Variants in PCDHA6 observed in about 807,000 individuals in gnomAD.
The protein encoded by PCDHA6 is protocadherin alpha-6.
Under a neutral mutation model 60.3 loss-of-function variants are expected in PCDHA6, and 55 were observed. That is an observed-to-expected ratio of 0.91 (90% CI 0.73 to 1.14). The LOEUF is 1.14. Among genes scored for constraint, PCDHA6 ranks in the 50% most tolerant of loss-of-function variants. PCDHA6 has a pLI of 0.00. For missense variants in PCDHA6, 1,327 were observed against 1,256.5 expected, an observed-to-expected ratio of 1.06 and a Z score of -0.85; for synonymous variants, 652 against 557.9, an observed-to-expected ratio of 1.17 and a Z score of -2.38.
At chr5:140,968,757 A>T in intron 1 of PCDHA6, 1 of 1,614,204 alleles carries the variant, frequency 6.2e-7, no homozygotes, top group Non-Finnish European at 8.5e-7. Context: ...GTGGTCCGAG[A>T]TAATGGAGAG....
chr5:140,998,393 C>A (rs1178528705), intron 3 of PCDHA6, among the ~76,000 whole-genome samples: 12 of 152,288 alleles, frequency 7.9e-5, no homozygotes, highest in African/African-American at 2.4e-4. Flanking sequence ...TTAATGCCAT[C>A]TTTATGCCAA....
At chr5:140,968,845 G>A in intron 1 of PCDHA6, 1 of 1,614,176 alleles carries the variant, frequency 6.2e-7, no homozygotes. Flanking sequence ...ACACTCAGAG[G>A]CATGTTAAGA....
chr5:140,976,545 T>C (rs781810490), intron 1 of PCDHA6, among the ~76,000 whole-genome samples: 1 of 152,078 alleles, frequency 6.6e-6, no homozygotes, highest in Non-Finnish European at 1.5e-5. Flanking sequence ...AGTAAGACCC[T>C]ATCTCATAAA....
chr5:140,946,156 T>G (rs138161459), intron 1 of PCDHA6, among the ~76,000 whole-genome samples: 1 of 151,944 alleles, frequency 6.6e-6, no homozygotes, highest in Non-Finnish European at 1.5e-5. Flanking sequence ...TAACACGATT[T>G]AAAAGATGGG....
chr5:140,853,569 G>A lies in PCDHA6; in HGVS notation c.2394+23084G>A. On this transcript the variant is annotated intron_variant, in intron 1 of 3. Transcript: ENST00000529310. ...ATTACTATATAGGAAAAACTAAGTT[G>A]TCACCCAATATCTTAGACACTTTGA... 1.3e-5 allele frequency: 13 copies of A among 981,402 alleles called. 1 individual carries two copies. The highest frequency in any genetic ancestry group is 1.6e-5 in the Non-Finnish European group (13 of 813,896). 60.8% of individuals were successfully genotyped at this position (981,402 alleles called of 1,614,324 possible).
chr5:140,994,052 C>T (rs2097593082), intron 3 of PCDHA6, among the ~76,000 whole-genome samples: 1 of 152,134 alleles, frequency 6.6e-6, no homozygotes, highest in African/African-American at 2.4e-5. Context: ...CAGTCCTGCC[C>T]TTATAAATCT....
chr5:140,937,653 C>G (rs930742748), intron 1 of PCDHA6, among the ~76,000 whole-genome samples: 1 of 151,298 alleles, frequency 6.6e-6, no homozygotes, highest in Non-Finnish European at 1.5e-5. Context: ...TGGCTCACGC[C>G]TGTAATCCCA....
At chr5:140,927,753 C>T (rs1435866827) in intron 1 of PCDHA6, 3 of 1,614,078 alleles carry the variant, frequency 1.9e-6, no homozygotes, top group Non-Finnish European at 2.5e-6. Flanking sequence ...TTCACGTGCA[C>T]CCTAAAAGTG....
At chr5:140,994,451 C>T (rs782287082) in intron 3 of PCDHA6, among the ~76,000 whole-genome samples, 14 of 152,116 alleles carry the variant, frequency 9.2e-5, no homozygotes, top group Non-Finnish European at 1.6e-4. Flanking sequence ...ACCTGTGATC[C>T]CAGCACTTTG....
chr5:140,869,159 T>C, intron 1 of PCDHA6: 1 of 1,613,792 alleles, frequency 6.2e-7, no homozygotes, highest in Non-Finnish European at 8.5e-7. Flanking sequence ...CTCTGGCTTC[T>C]CCTCCTCGAA....
At position 140,829,699 on chromosome 5, in the gene PCDHA6, C is replaced by T. The variant is rs61730774; in HGVS notation, c.1608C>T (p.Ser536=). 2 of 1,613,252 alleles carry T rather than the reference C, an allele frequency of 1.2e-6. No individual in the cohort carries two copies. The highest frequency in any genetic ancestry group is 1.7e-6 in the Non-Finnish European group (2 of 1,179,860). ...EELELLQFQV[S]ARDAGVPPLG... The stretch of plus-strand genomic sequence containing the variant: ...TAGAGCTGCTGCAGTTTCAGGTGAG[C>T]GCGCGCGACGCGGGCGTGCCGCCTC... Residue 536 remains serine, a synonymous_variant, in exon 1 of 4, where the codon AGC becomes AGT. Coordinates refer to ENST00000529310, the MANE Select transcript of PCDHA6 (RefSeq NM_018909.4).
intron 1 of PCDHA6, chr5:140,966,271 T>C: frequency 2.8e-6 from 1 of 355,706 alleles, no homozygotes; most frequent in Non-Finnish European, 5.0e-6. Flanking sequence ...CTGGATGAAC[T>C]GGACAGTGGG....
chr5:140,870,229 C>G, intron 1 of PCDHA6: 3 of 1,614,164 alleles, frequency 1.9e-6, no homozygotes, highest in Non-Finnish European at 2.5e-6. Flanking sequence ...CGTGTCTGAC[C>G]GTGACTCAGG....
chr5:140,875,657 G>A (rs1241102848), intron 1 of PCDHA6: 1 of 1,613,738 alleles, frequency 6.2e-7, no homozygotes, highest in South Asian at 1.1e-5. Context: ...CTGGTGCCGC[G>A]CCTGTTCCGG....
At chr5:140,918,897 C>A (rs1381764249) in intron 1 of PCDHA6, among the ~76,000 whole-genome samples, 1 of 152,196 alleles carries the variant, frequency 6.6e-6, no homozygotes, top group Admixed American at 6.5e-5. Context: ...AAAAATAAAT[C>A]TCTCTTGTTT....
At chr5:140,876,334 A>G (rs782377581) in intron 1 of PCDHA6, 3 of 1,613,912 alleles carry the variant, frequency 1.9e-6, no homozygotes, top group African/African-American at 1.3e-5. Flanking sequence ...TTTGCCAGTG[A>G]GTGAGAAATG....
chr5:140,891,241 G>A (rs2153433469), intron 1 of PCDHA6, among the ~76,000 whole-genome samples: 1 of 152,200 alleles, frequency 6.6e-6, no homozygotes, highest in Middle Eastern at 3.4e-3. Flanking sequence ...TCTGGATTCA[G>A]TAGGATTTTT....
chr5:140,909,684 GT>G (rs2074636344), intron 1 of PCDHA6, among the ~76,000 whole-genome samples: 1 of 152,220 alleles, frequency 6.6e-6, no homozygotes, highest in Non-Finnish European at 1.5e-5. Context: ...GGGAGCCAAT[GT>G]GGGGGTTCTG....
At position 141,011,086 on chromosome 5, in the gene PCDHA6, C is replaced by T. The variant is rs1181884726; in HGVS notation, c.*1149C>T. The T allele has an allele frequency of 2.6e-5, 4 of 153,678 alleles. No homozygotes were observed. Among genetic ancestry groups the T allele is most frequent in the African/African-American group, 9.7e-5 (4 of 41,430 alleles). The allele number at this position is 153,678 out of a possible 1,614,324, so 9.5% of individuals were successfully genotyped here. On this transcript the variant is annotated 3_prime_UTR_variant, in exon 4 of 4. Coordinates refer to ENST00000529310, the MANE Select transcript of PCDHA6 (RefSeq NM_018909.4). ...TGTATTACTAAATAAAATGATCTCT[C>T]TTTCTCTCTCTCTCTCTCTTTTCTA...
Sources: gnomAD v4.1 joint callset for allele counts (sites outside exome capture counted in the v4.1 genomes callset) on GRCh38, gnomAD v4.1.1 for gene constraint, MANE v1.5 for transcripts, NCBI Gene and HGNC (gene_info 2026-07-23, HGNC 2026-07-21) for gene names.